The following EPS15 variants were observed in gnomAD, a reference collection of about 807,000 sequenced individuals.
EPS15 encodes the protein epidermal growth factor receptor pathway substrate 15, also known as epidermal growth factor receptor substrate 15.
EPS15 carries 72 observed loss-of-function variants against 113.8 expected under a neutral mutation model. That is an observed-to-expected ratio of 0.63 (90% CI 0.52 to 0.77). The LOEUF (loss-of-function observed/expected upper bound fraction) is 0.77, where lower values mean the gene tolerates loss of function less well. Among genes scored for constraint, EPS15 ranks in the 30% least tolerant of loss-of-function variants. The probability of loss-of-function intolerance (pLI) is 0.00; values close to 1 mark genes in which losing one functional copy is unlikely to be tolerated. For synonymous variants in EPS15, 344 were observed against 363.4 expected, an observed-to-expected ratio of 0.95 and a Z score of 0.61; for missense variants, 1,048 against 1,045.8, an observed-to-expected ratio of 1.00 and a Z score of -0.03.
At chr1:51,375,402 A>T (rs1234553812) in intron 21 of EPS15, among the ~76,000 whole-genome samples, 1 of 152,158 alleles carries the variant, frequency 6.6e-6, no homozygotes. Context: ...GCATGTTTTT[A>T]TTTATTTTGA....
At chr1:51,406,493 G>C (rs1283870419) in intron 15 of EPS15, among the ~76,000 whole-genome samples, 1 of 151,994 alleles carries the variant, frequency 6.6e-6, no homozygotes. Flanking sequence ...AATAAAAATG[G>C]CTATACCTGT....
intron 17 of EPS15, among the ~76,000 whole-genome samples, chr1:51,402,881 G>C (rs1183360315): frequency 6.6e-6 from 1 of 152,124 alleles, no homozygotes; most frequent in Non-Finnish European, 1.5e-5. Context: ...CTCAAGGCTG[G>C]GTGACAGAGT....
At chr1:51,490,389 C>T (rs1644209751) in intron 1 of EPS15, 24 of 355,268 alleles carry the variant, frequency 6.8e-5, no homozygotes, top group South Asian at 4.7e-4. Flanking sequence ...CATGGTGAAA[C>T]CCCATCTCTA....
intron 1 of EPS15, chr1:51,490,429 G>T (rs1364940249): frequency 1.7e-5 from 5 of 301,210 alleles, no homozygotes; most frequent in Non-Finnish European, 3.3e-5. Flanking sequence ...GCTGGGCGTG[G>T]TGGCGGGTGC....
intron 2 of EPS15, among the ~76,000 whole-genome samples, chr1:51,478,828 G>A (rs1486640573): frequency 6.6e-6 from 1 of 152,230 alleles, no homozygotes; most frequent in African/African-American, 2.4e-5. Context: ...GAGATCAGCT[G>A]TTAGTCTGAT....
chr1:51,489,007 C>T (rs1644178692), intron 1 of EPS15, among the ~76,000 whole-genome samples: 1 of 151,580 alleles, frequency 6.6e-6, no homozygotes, highest in South Asian at 2.1e-4. Flanking sequence ...AATACAGCAA[C>T]ACGAGAAAAA....
chr1:51,471,466 C>T (rs1221526939), intron 4 of EPS15, among the ~76,000 whole-genome samples: 1 of 152,116 alleles, frequency 6.6e-6, no homozygotes, highest in Non-Finnish European at 1.5e-5. Context: ...CTCTGAAAGA[C>T]AGAAAAATAA....
rs762919510 is a variant in EPS15, at chr1:51,440,377, G to A, written c.1010C>T (p.Thr337Ile). The change falls in exon 12 of 25, where the codon ACT becomes ATT. Residue 337 changes from threonine (T) to isoleucine (I), a missense_variant. Transcript: ENST00000371733. ...ADFSAIKELD[T>I]LNNEIVDLQR... Reference sequence around the variant, plus strand: ...TAGGTCAACTATTTCATTGTTAAGAGTATCTAGTTCCTTAATAGCAGAGAA... The same window carrying A: ...TAGGTCAACTATTTCATTGTTAAGAATATCTAGTTCCTTAATAGCAGAGAA... The A allele has an allele frequency of 1.3e-6, 2 of 1,589,358 alleles. No homozygotes were observed. Among genetic ancestry groups the A allele is most frequent in the African/African-American group, 1.3e-5 (1 of 74,378 alleles).
intron 19 of EPS15, 28 bp from the exon 20 acceptor site, chr1:51,399,193 GAC>G: frequency 1.3e-6 from 2 of 1,595,600 alleles, no homozygotes; most frequent in Non-Finnish European, 1.7e-6. Flanking sequence ...GAATATAAGA[GAC>G]AAAAAAAAAT....
At chr1:51,494,195 T>C (rs951048013) in intron 1 of EPS15, among the ~76,000 whole-genome samples, 3 of 152,180 alleles carry the variant, frequency 2.0e-5, no homozygotes, top group East Asian at 3.8e-4. Context: ...CCTTGTCCCA[T>C]AGTAAAATCC....
chr1:51,437,144 A>G (rs1239116520), intron 12 of EPS15, among the ~76,000 whole-genome samples: 1 of 152,158 alleles, frequency 6.6e-6, no homozygotes, highest in East Asian at 1.9e-4. Context: ...AATGTCTTAT[A>G]TTTTCTACTA....
intron 8 of EPS15, among the ~76,000 whole-genome samples, chr1:51,453,102 G>C (rs1012052880): frequency 6.6e-6 from 1 of 152,110 alleles, no homozygotes; most frequent in Admixed American, 6.6e-5. Context: ...AAAACAATCT[G>C]ACTAACATAC....
At chr1:51,480,520 T>C (rs1644001684) in intron 2 of EPS15, among the ~76,000 whole-genome samples, 1 of 148,684 alleles carries the variant, frequency 6.7e-6, no homozygotes, top group African/African-American at 2.4e-5. Context: ...TTGTTGTTGT[T>C]TGTTTGTTTT....
rs199521704 is a variant in EPS15 at position 51,463,645 on chromosome 1, T to C, written c.501+28A>G. The C allele has an allele frequency of 1.5e-5, 21 of 1,408,528 alleles. No individual in the cohort carries two copies. The East Asian group carries it at 4.4e-4, about 29-fold the overall frequency. The allele number at this position is 1,408,528 out of a possible 1,614,324, so 87.3% of individuals were successfully genotyped here. On this transcript the variant is annotated intron_variant, in intron 7 of 24. Transcript: ENST00000371733. ...GATATAAAATTAAAATACATAAAAA[T>C]TACATTTCGGAGTAAATAATATCTT...
chr1:51,500,521 T>A (rs185120668), intron 1 of EPS15, among the ~76,000 whole-genome samples: 1 of 152,218 alleles, frequency 6.6e-6, no homozygotes, highest in African/African-American at 2.4e-5. Context: ...GTGGTTTTTG[T>A]TTGTTTTGTT....
chr1:51,413,309 T>C (rs1444541796), intron 13 of EPS15, among the ~76,000 whole-genome samples: 1 of 152,216 alleles, frequency 6.6e-6, no homozygotes, highest in African/African-American at 2.4e-5. Flanking sequence ...TCTACTGTCA[T>C]ACTTAATACA....
At chr1:51,394,507 T>C in intron 20 of EPS15, 60 bp from the exon 21 acceptor site, 1 of 929,800 alleles carries the variant, frequency 1.1e-6, no homozygotes, top group Non-Finnish European at 1.7e-6. Flanking sequence ...TGAAACCTCA[T>C]CACCACTCCA....
chr1:51,383,353 A>G (rs1315466300), intron 21 of EPS15, among the ~76,000 whole-genome samples: 1 of 152,108 alleles, frequency 6.6e-6, no homozygotes, highest in Non-Finnish European at 1.5e-5. Flanking sequence ...CATTTCTACC[A>G]CTTCTATTCA....
At chr1:51,357,426 A>ATATTT (rs1443627608) in intron 24 of EPS15, among the ~76,000 whole-genome samples, 47 of 53,528 alleles carry the variant, frequency 8.8e-4, no homozygotes, top group African/African-American at 2.9e-3. Flanking sequence ...ATATATATAT[A>ATATTT]TTTTTTTTTT....
Sources: allele counts gnomAD v4.1 joint callset (sites outside exome capture counted in the v4.1 genomes callset), GRCh38; gene constraint gnomAD v4.1.1; transcripts MANE v1.5; gene names NCBI Gene and HGNC (gene_info 2026-07-23, HGNC 2026-07-21).